CCDC15: variants seen among roughly 807,000 people sequenced by gnomAD.
CCDC15 encodes coiled-coil domain containing 15, also known as coiled-coil domain-containing protein 15.
In CCDC15, 105 loss-of-function variants were observed where a neutral mutation model predicts 114.5. That is an observed-to-expected ratio of 0.92 (90% CI 0.78 to 1.08). The LOEUF (loss-of-function observed/expected upper bound fraction) is 1.08. Among genes scored for constraint, CCDC15 ranks in the 50% least tolerant of loss-of-function variants. CCDC15 has a pLI of 0.00. For synonymous variants in CCDC15, 334 were observed against 377.8 expected (o/e 0.88, Z 1.34); for missense variants, 1,105 against 1,093.6 (o/e 1.01, Z -0.15).
At chr11:125,035,417 A>G (rs1007360271) in intron 13 of CCDC15, among the ~76,000 whole-genome samples, 6 of 151,406 alleles carry the variant, frequency 4.0e-5, no homozygotes, top group Non-Finnish European at 7.4e-5. Flanking sequence ...TTTGGTTTCT[A>G]TTTGCATGGA....
intron 11 of CCDC15, among the ~76,000 whole-genome samples, chr11:124,999,035 C>T (rs1381245361): frequency 1.3e-5 from 2 of 152,018 alleles, no homozygotes; most frequent in African/African-American, 4.8e-5. Context: ...CTGCGCCCGG[C>T]CGAGAGTCTC....
intron 13 of CCDC15, among the ~76,000 whole-genome samples, chr11:125,036,582 C>T (rs181160431): frequency 6.6e-6 from 1 of 151,978 alleles, no homozygotes; most frequent in East Asian, 1.9e-4. Context: ...ATTTCCTCCT[C>T]AAGGCCCAAA....
intron 9 of CCDC15, among the ~76,000 whole-genome samples, chr11:124,992,165 G>C (rs1948281788): frequency 6.6e-6 from 1 of 152,102 alleles, no homozygotes; most frequent in Non-Finnish European, 1.5e-5. Flanking sequence ...AAAAGACCCT[G>C]GTCTAGGGAA....
chr11:125,001,381 A>G (rs1161537950), intron 11 of CCDC15, among the ~76,000 whole-genome samples: 1 of 152,266 alleles, frequency 6.6e-6, no homozygotes, highest in Non-Finnish European at 1.5e-5. Flanking sequence ...CAAATGTGGA[A>G]TATGCAAATA....
intron 4 of CCDC15, among the ~76,000 whole-genome samples, chr11:124,971,844 CCTT>C (rs533106846): frequency 7.6e-4 from 115 of 152,178 alleles, no homozygotes; most frequent in Middle Eastern, 3.4e-3. Context: ...TAGTAATACT[CCTT>C]CTTAATTAAA....
intron 11 of CCDC15, among the ~76,000 whole-genome samples, chr11:124,999,596 T>C (rs986271555): frequency 2.0e-5 from 3 of 152,108 alleles, no homozygotes; most frequent in African/African-American, 4.8e-5. Context: ...ATTGTGTTTT[T>C]CTGTCTCTAA....
At chr11:125,012,264 T>C (rs1305199678) in intron 13 of CCDC15, among the ~76,000 whole-genome samples, 1 of 152,196 alleles carries the variant, frequency 6.6e-6, no homozygotes. Context: ...GGAAGAGATA[T>C]GGTCAGAGAC....
At position 124,992,625 on chromosome 11, in the gene CCDC15, C is replaced by G. The variant is rs1298169261; in HGVS notation, c.2077C>G (p.Pro693Ala). 5.6e-6 allele frequency: 9 copies of G among 1,601,266 alleles called. No homozygotes were observed. Among genetic ancestry groups the G allele is most frequent in the African/African-American group, 1.3e-5 (1 of 74,700 alleles). ...AGAAGAAAGAGTGAGAGAAGAATTGCCTCTGGACTATCATCAATATGTTGT... is the reference window on the plus strand; with the variant it reads ...AGAAGAAAGAGTGAGAGAAGAATTGGCTCTGGACTATCATCAATATGTTGT... ...MREERVREELPLDYHQYVVPK... is the reference protein window; with the variant it reads ...MREERVREELALDYHQYVVPK... The change falls in exon 10 of 16, where the codon CCT becomes GCT. Residue 693 changes from proline (P) to alanine (A), a missense_variant. Physicochemically the swap from Pro to Ala is conservative, Grantham distance 27 (BLOSUM62 -1). Transcript: ENST00000344762.
At chr11:124,974,087 G>A (rs12281284) in intron 4 of CCDC15, among the ~76,000 whole-genome samples, 30,822 of 151,884 alleles carry the variant, frequency 0.2, 3,713 homozygotes, top group African/African-American at 0.33. Flanking sequence ...CAGTTCTCCC[G>A]CCTCAGCCTC....
At chr11:125,021,194 T>C (rs536521458) in intron 13 of CCDC15, among the ~76,000 whole-genome samples, 1 of 151,750 alleles carries the variant, frequency 6.6e-6, no homozygotes, top group Non-Finnish European at 1.5e-5. Flanking sequence ...AGAAGGATGG[T>C]CTAAAGAAGT....
At chr11:125,021,962 A>G (rs1237406824) in intron 13 of CCDC15, among the ~76,000 whole-genome samples, 1 of 151,882 alleles carries the variant, frequency 6.6e-6, no homozygotes, top group Admixed American at 6.6e-5. Context: ...TTTTTTTACA[A>G]GGTTGGGAGT....
At chr11:124,984,705 G>T (rs80318767) in intron 6 of CCDC15, among the ~76,000 whole-genome samples, 9,609 of 152,158 alleles carry the variant, frequency 0.063, 367 homozygotes, top group African/African-American at 0.11. Flanking sequence ...GAGTGAGCAG[G>T]TCTCTTCTCA....
intron 13 of CCDC15, among the ~76,000 whole-genome samples, chr11:125,010,645 G>GC (rs1772897204): frequency 6.6e-6 from 1 of 152,140 alleles, no homozygotes; most frequent in African/African-American, 2.4e-5. Context: ...ACAGGAGTGA[G>GC]CTACCACGCC....
chr11:125,009,918 G>C (rs915711944), intron 13 of CCDC15, among the ~76,000 whole-genome samples: 7 of 152,280 alleles, frequency 4.6e-5, no homozygotes, highest in African/African-American at 1.7e-4. Context: ...TGGGCACCTA[G>C]GTTGATTCTG....
chr11:125,027,865 C>T (rs780561098), intron 13 of CCDC15, among the ~76,000 whole-genome samples: 2 of 151,712 alleles, frequency 1.3e-5, no homozygotes, highest in Non-Finnish European at 2.9e-5. Flanking sequence ...TTTATAGTTT[C>T]ACGTCTTAGG....
chr11:125,030,963 G>C (rs1482629745), intron 13 of CCDC15, among the ~76,000 whole-genome samples: 5 of 152,200 alleles, frequency 3.3e-5, no homozygotes, highest in African/African-American at 1.2e-4. Flanking sequence ...ACCCCTCAGA[G>C]AGGTCCGTCC....
chr11:124,979,335 T>C (rs972767182), intron 6 of CCDC15, among the ~76,000 whole-genome samples: 2 of 152,222 alleles, frequency 1.3e-5, no homozygotes, highest in Admixed American at 6.5e-5. Flanking sequence ...ATTGGTAGTT[T>C]GATAGGAATA....
intron 4 of CCDC15, among the ~76,000 whole-genome samples, chr11:124,965,962 T>A (rs973070193): frequency 2.3e-4 from 35 of 152,322 alleles, no homozygotes; most frequent in Middle Eastern, 3.4e-3. Flanking sequence ...TGAGTGAGTT[T>A]CTTAATCCTG....
chr11:124,981,119 C>T (rs545482769), intron 6 of CCDC15, among the ~76,000 whole-genome samples: 27 of 151,934 alleles, frequency 1.8e-4, no homozygotes, highest in African/African-American at 5.3e-4. Flanking sequence ...CATTGTGATC[C>T]GAAAGCATGG....
Sources: allele counts gnomAD v4.1 joint callset (sites outside exome capture counted in the v4.1 genomes callset), GRCh38; gene constraint gnomAD v4.1.1; transcripts MANE v1.5; gene names NCBI Gene and HGNC (gene_info 2026-07-23, HGNC 2026-07-21).